KRTAP3-1: variants seen among roughly 807,000 people sequenced by gnomAD.
The protein encoded by KRTAP3-1 is keratin associated protein 3-1, also known as keratin-associated protein 3-1.
Under a neutral mutation model 2.8 loss-of-function variants are expected in KRTAP3-1, and 3 were observed. The ratio of observed to expected loss-of-function variants is 1.07; its 90% CI spans 0.49 to 2.78. KRTAP3-1 has a LOEUF of 2.78. Ranked by LOEUF, KRTAP3-1 falls within the 30% of genes most tolerant of loss-of-function variation. KRTAP3-1 has a pLI of 0.04. For missense variants in KRTAP3-1, 130 were observed against 127.6 expected (o/e 1.02, Z -0.09); for synonymous variants, 47 against 49.1 (o/e 0.96, Z 0.18).
rs1482882266 is a variant in KRTAP3-1 at position 41,008,834 on chromosome 17, T to C, written c.241A>G (p.Asn81Asp). Residue 81 changes from asparagine to aspartate, a missense_variant, in exon 1 of 1, where the codon AAC becomes GAC. Physicochemically the swap from Asn to Asp is conservative, Grantham distance 23. Coordinates refer to ENST00000391588, the MANE Select transcript of KRTAP3-1 (RefSeq NM_031958.2). The stretch of plus-strand genomic sequence containing the variant: ...CCAGGCTGAACATAGGTGGTCAGGT[T>C]GATCCCACTCAGTCCGGGAGTCGGG... Reference protein sequence around the residue: ...CHPTPGLSGINLTTYVQPGCE... With the variant: ...CHPTPGLSGIDLTTYVQPGCE... 19 of 1,613,998 alleles carry C rather than the reference T, an allele frequency of 1.2e-5. No homozygotes were observed. The highest frequency in any genetic ancestry group is 1.5e-5 in the Non-Finnish European group (18 of 1,180,020).
In KRTAP3-1 at chr17:41,008,693, A is replaced by T; in HGVS notation, c.*85T>A. On this transcript the variant is annotated 3_prime_UTR_variant, in exon 1 of 1. Transcript: ENST00000391588. ...GGGGATTGGGATGGCCTTAGCCTTGATGTAGGCAGTAGTGAGTGCTGAAGC... is the reference window on the plus strand; with the variant it reads ...GGGGATTGGGATGGCCTTAGCCTTGTTGTAGGCAGTAGTGAGTGCTGAAGC... The T allele has an allele frequency of 2.3e-6, 3 of 1,317,812 alleles. No individual in the cohort carries two copies. The highest frequency in any genetic ancestry group is 3.1e-6 in the Non-Finnish European group (3 of 965,408). 81.6% of individuals were successfully genotyped at this position (1,317,812 alleles called of 1,614,324 possible).
At position 41,008,996 on chromosome 17, in the gene KRTAP3-1, G is replaced by C; in HGVS notation, c.79C>G (p.Arg27Gly). The change falls in exon 1 of 1, where the codon CGC becomes GGC. Residue 27 changes from arginine (R) to glycine (G), a missense_variant. Physicochemically the swap from Arg to Gly is moderately radical, Grantham distance 125. Coordinates refer to ENST00000391588, the MANE Select transcript of KRTAP3-1 (RefSeq NM_031958.2). ...TTFCSFDKSCRCGVCLPSTCP... is the reference protein window; with the variant it reads ...TTFCSFDKSCGCGVCLPSTCP... ...GTGCTGGGTAGGCAGACTCCACAGC[G>C]GCAGCTTTTATCAAATGAGCAGAAG... 2 of 1,614,216 alleles carry C rather than the reference G, an allele frequency of 1.2e-6. No homozygotes were observed. The highest frequency in any genetic ancestry group is 2.7e-5 in the African/African-American group (2 of 75,056).
Position 41,009,104 on chromosome 17 carries a change from G to C in KRTAP3-1, c.-30C>G. ...ATGGGAGGTGGGTTTTTGTTGAGTT[G>C]AGAGAAGTCTGTTGGTGTCTCGATG... is the stretch of plus-strand genomic sequence containing the variant. On this transcript the variant is annotated 5_prime_UTR_variant, in exon 1 of 1. Transcript: ENST00000391588. The C allele has an allele frequency of 6.3e-7, 1 of 1,595,626 alleles. No individual in the cohort carries two copies. The highest frequency in any genetic ancestry group is 8.6e-7 in the Non-Finnish European group (1 of 1,169,494).
rs2011994208 is a variant in KRTAP3-1, at chr17:41,009,054, G to A, written c.21C>T (p.Arg7=). MYCCAL[R]SCSVPTGPAT... Reference sequence around the variant, plus strand: ...CAGGGCCGGTGGGGACGCTGCAGGAGCGGAGAGCACAGCAATACATGGCAA... The same window carrying A: ...CAGGGCCGGTGGGGACGCTGCAGGAACGGAGAGCACAGCAATACATGGCAA... Residue 7 remains arginine, a synonymous_variant, in exon 1 of 1, where the codon CGC becomes CGT. Transcript: ENST00000391588. The A allele has an allele frequency of 2.5e-6, 4 of 1,614,044 alleles. No individual in the cohort carries two copies. The highest frequency in any genetic ancestry group is 3.4e-6 in the Non-Finnish European group (4 of 1,179,936).
rs1357840534 is a variant in KRTAP3-1, at chr17:41,008,888, G to T, written c.187C>A (p.Pro63Thr). 6.2e-7 allele frequency: 1 copy of T among 1,614,214 alleles called. No individual in the cohort carries two copies. ...PPCCKPDTYV[P>T]TCWLLNNCHP... ...CAGTTGTTGAGCAGCCAGCAAGTTG[G>T]CACATAGGTATCAGGCTTGCAGCAG... The change falls in exon 1 of 1, where the codon CCA (proline) becomes ACA (threonine). Residue 63 changes from proline (P) to threonine (T), a missense_variant. Pro to Thr is a conservative substitution (Grantham distance 38). Transcript: ENST00000391588.
rs2011974777 is a variant in KRTAP3-1, at chr17:41,008,524, G to C, written c.*254C>G. ...AATAAATAATCACAAGGTCATATTT[G>C]CTAAGCCAGAATAAAGTTTATTAAC... is the stretch of plus-strand genomic sequence containing the variant. On this transcript the variant is annotated 3_prime_UTR_variant, in exon 1 of 1. Coordinates refer to ENST00000391588, the MANE Select transcript of KRTAP3-1 (RefSeq NM_031958.2). The C allele has an allele frequency of 2.1e-6, 1 of 476,560 alleles. No individual in the cohort carries two copies. Among genetic ancestry groups the C allele is most frequent in the Non-Finnish European group, 3.7e-6 (1 of 271,460 alleles). The allele number at this position is 476,560 out of a possible 1,614,324, so 29.5% of individuals were successfully genotyped here.
Position 41,009,120 on chromosome 17 carries a change from T to C in KRTAP3-1, c.-46A>G, listed in dbSNP as rs755163896. ...TGTTGAGTTGAGAGAAGTCTGTTGGTGTCTCGATGCTCCTCTCTTCTGCTC... is the reference window on the plus strand; with the variant it reads ...TGTTGAGTTGAGAGAAGTCTGTTGGCGTCTCGATGCTCCTCTCTTCTGCTC... On this transcript the variant is annotated 5_prime_UTR_variant, in exon 1 of 1. Transcript: ENST00000391588. The C allele has an allele frequency of 6.4e-7, 1 of 1,568,694 alleles. No individual in the cohort carries two copies. Among genetic ancestry groups the C allele is most frequent in the Admixed American group, 1.7e-5 (1 of 58,692 alleles).
chr17:41,008,708 A>T lies in KRTAP3-1; in HGVS notation c.*70T>A. ...CTTAGCCTTGATGTAGGCAGTAGTG[A>T]GTGCTGAAGCCCAGATGGTGCAGAG... On this transcript the variant is annotated 3_prime_UTR_variant, in exon 1 of 1. Transcript: ENST00000391588. The T allele has an allele frequency of 7.0e-7, 1 of 1,427,860 alleles. No homozygotes were observed. Among genetic ancestry groups the T allele is most frequent in the Non-Finnish European group, 9.5e-7 (1 of 1,051,984 alleles). 88.4% of individuals were successfully genotyped at this position (1,427,860 alleles called of 1,614,324 possible).
In KRTAP3-1 at chr17:41,008,857, G is replaced by A. The variant is rs370223389; in HGVS notation, c.218C>T (p.Pro73Leu). ...PTCWLLNNCHPTPGLSGINLT... is the reference protein window; with the variant it reads ...PTCWLLNNCHLTPGLSGINLT... The stretch of plus-strand genomic sequence containing the variant: ...GTTGATCCCACTCAGTCCGGGAGTC[G>A]GGTGACAGTTGTTGAGCAGCCAGCA... Residue 73 changes from proline (P) to leucine (L), a missense_variant, in exon 1 of 1, where the codon CCG becomes CTG. Coordinates refer to ENST00000391588, the MANE Select transcript of KRTAP3-1 (RefSeq NM_031958.2). 2.2e-5 allele frequency: 36 copies of A among 1,614,026 alleles called. No homozygotes were observed. Among genetic ancestry groups the A allele is most frequent in the Non-Finnish European group, 2.5e-5 (29 of 1,180,038 alleles).
In KRTAP3-1 at chr17:41,008,607, G is replaced by A. The variant is rs1597936680; in HGVS notation, c.*171C>T. 7.1e-6 allele frequency: 4 copies of A among 565,578 alleles called. No individual in the cohort carries two copies. The East Asian group carries it at 1.1e-4, about 16-fold the overall frequency. 35.0% of individuals were successfully genotyped at this position (565,578 alleles called of 1,614,324 possible). A position where few individuals can be genotyped will look rare whatever the true frequency, so the allele number is the denominator to read the frequency against. ...ATGAAATAGCCTAAAAGACAGAAGG[G>A]AGGTCTCCAATGGTACCCAAATGTG... On this transcript the variant is annotated 3_prime_UTR_variant, in exon 1 of 1. Coordinates refer to ENST00000391588, the MANE Select transcript of KRTAP3-1 (RefSeq NM_031958.2).
At position 41,008,726 on chromosome 17, in the gene KRTAP3-1, G is replaced by T; in HGVS notation, c.*52C>A. 2 of 1,528,530 alleles carry T rather than the reference G, an allele frequency of 1.3e-6. No individual in the cohort carries two copies. The highest frequency in any genetic ancestry group is 1.8e-6 in the Non-Finnish European group (2 of 1,126,342). 94.7% of individuals were successfully genotyped at this position (1,528,530 alleles called of 1,614,324 possible). On this transcript the variant is annotated 3_prime_UTR_variant, in exon 1 of 1. Coordinates refer to ENST00000391588, the MANE Select transcript of KRTAP3-1 (RefSeq NM_031958.2). ...AGTAGTGAGTGCTGAAGCCCAGATG[G>T]TGCAGAGGACATTGGGCAGCCACCT...
In KRTAP3-1 at chr17:41,009,065, A is replaced by G; in HGVS notation, c.10T>C (p.Cys4Arg). 1 of 1,613,604 alleles carries G rather than the reference A, an allele frequency of 6.2e-7. No individual in the cohort carries two copies. The highest frequency in any genetic ancestry group is 1.1e-5 in the South Asian group (1 of 90,998). ...GGGACGCTGCAGGAGCGGAGAGCAC[A>G]GCAATACATGGCAATGGGAGGTGGG... MYCCALRSCSVPTG... is the reference protein window; with the variant it reads MYCRALRSCSVPTG... The change falls in exon 1 of 1, where the codon TGT becomes CGT. Residue 4 changes from cysteine (C) to arginine (R), a missense_variant. Physicochemically the swap from Cys to Arg is radical, Grantham distance 180 (BLOSUM62 -3). Coordinates refer to ENST00000391588, the MANE Select transcript of KRTAP3-1 (RefSeq NM_031958.2).
chr17:41,008,786 G>C lies in KRTAP3-1; in HGVS notation c.289C>G (p.Arg97Gly). 4 of 1,605,604 alleles carry C rather than the reference G, an allele frequency of 2.5e-6. No homozygotes were observed. Among genetic ancestry groups the C allele is most frequent in the Non-Finnish European group, 1.7e-6 (2 of 1,174,898 alleles). Residue 97 changes from arginine to glycine, a missense_variant, in exon 1 of 1, where the codon CGC becomes GGC. Transcript: ENST00000391588. ...TGTGCAGACTCGGCTGGTTAACAGC[G>C]GGGCTCACAGGGACTCTCACAGCCA... ...QPGCESPCEP[R>G]C
At position 41,008,654 on chromosome 17, in the gene KRTAP3-1, C is replaced by T; in HGVS notation, c.*124G>A. On this transcript the variant is annotated 3_prime_UTR_variant, in exon 1 of 1. Transcript: ENST00000391588. ...TGTGCAAATAATTAAGAAGATTCATCAAGACTTGGCCCCGGGGATTGGGAT... is the reference window on the plus strand; with the variant it reads ...TGTGCAAATAATTAAGAAGATTCATTAAGACTTGGCCCCGGGGATTGGGAT... 2 of 908,646 alleles carry T rather than the reference C, an allele frequency of 2.2e-6. No individual in the cohort carries two copies. The highest frequency in any genetic ancestry group is 3.9e-5 in the South Asian group (2 of 51,150). 56.3% of individuals were successfully genotyped at this position (908,646 alleles called of 1,614,324 possible). A position where few individuals can be genotyped will look rare whatever the true frequency, so the allele number is the denominator to read the frequency against.
Position 41,008,731 on chromosome 17 carries a change from G to A in KRTAP3-1, c.*47C>T. 6.5e-7 allele frequency: 1 copy of A among 1,543,566 alleles called. No individual in the cohort carries two copies. Among genetic ancestry groups the A allele is most frequent in the Non-Finnish European group, 8.8e-7 (1 of 1,138,010 alleles). ...TGAGTGCTGAAGCCCAGATGGTGCA[G>A]AGGACATTGGGCAGCCACCTCACGG... is the stretch of plus-strand genomic sequence containing the variant. On this transcript the variant is annotated 3_prime_UTR_variant, in exon 1 of 1. Transcript: ENST00000391588.
rs376651114 is a variant in KRTAP3-1 at position 41,008,987 on chromosome 17, C to T, written c.88G>A (p.Val30Ile). ...CSFDKSCRCG[V>I]CLPSTCPHEI... Reference sequence around the variant, plus strand: ...TGTGGGCAGGTGCTGGGTAGGCAGACTCCACAGCGGCAGCTTTTATCAAAT... The same window carrying T: ...TGTGGGCAGGTGCTGGGTAGGCAGATTCCACAGCGGCAGCTTTTATCAAAT... The change falls in exon 1 of 1, where the codon GTC (valine) becomes ATC (isoleucine). Residue 30 changes from valine (V) to isoleucine (I), a missense_variant. Physicochemically the swap from Val to Ile is conservative, Grantham distance 29. Coordinates refer to ENST00000391588, the MANE Select transcript of KRTAP3-1 (RefSeq NM_031958.2). The T allele has an allele frequency of 2.2e-5, 36 of 1,614,118 alleles. 1 individual carries two copies. Among genetic ancestry groups the T allele is most frequent in the Non-Finnish European group, 3.1e-5 (36 of 1,180,056 alleles).
At position 41,009,007 on chromosome 17, in the gene KRTAP3-1, T is replaced by G; in HGVS notation, c.68A>C (p.Asp23Ala). 1 of 1,614,182 alleles carries G rather than the reference T, an allele frequency of 6.2e-7. No homozygotes were observed. The highest frequency in any genetic ancestry group is 8.5e-7 in the Non-Finnish European group (1 of 1,180,032). ...GCAGACTCCACAGCGGCAGCTTTTA[T>G]CAAATGAGCAGAAGGTGGTGGCAGG... ...TGPATTFCSF[D>A]KSCRCGVCLP... The change falls in exon 1 of 1, where the codon GAT becomes GCT. Residue 23 changes from aspartate to alanine, a missense_variant. Physicochemically the swap from Asp to Ala is moderately radical, Grantham distance 126. Coordinates refer to ENST00000391588, the MANE Select transcript of KRTAP3-1 (RefSeq NM_031958.2).
rs1220097189 is a variant in KRTAP3-1, at chr17:41,008,889, C to T, written c.186G>A (p.Val62=). The T allele has an allele frequency of 6.2e-7, 1 of 1,614,174 alleles. No homozygotes were observed. The highest frequency in any genetic ancestry group is 2.2e-5 in the East Asian group (1 of 44,880). ...PPPCCKPDTY[V]PTCWLLNNCH... ...AGTTGTTGAGCAGCCAGCAAGTTGG[C>T]ACATAGGTATCAGGCTTGCAGCAGG... The change falls in exon 1 of 1, where the codon GTG becomes GTA. Residue 62 remains valine, a synonymous_variant. Transcript: ENST00000391588.
At position 41,008,948 on chromosome 17, in the gene KRTAP3-1, G is replaced by GGA; in HGVS notation, c.125_126dup (p.Leu43SerfsTer36). The GGA allele has an allele frequency of 1.9e-6, 3 of 1,614,252 alleles. No homozygotes were observed. The highest frequency in any genetic ancestry group is 2.5e-6 in the Non-Finnish European group (3 of 1,180,052). The stretch of plus-strand genomic sequence containing the variant: ...CAGGTGTCACAGCAGATGGGCTGAA[G>GGA]GAGGCTGATCTCATGTGGGCAGGTG... On this transcript the variant is annotated frameshift_variant, in exon 1 of 1. Coordinates refer to ENST00000391588, the MANE Select transcript of KRTAP3-1 (RefSeq NM_031958.2). LOFTEE classifies it high-confidence loss of function.
Sources: gnomAD v4.1 joint callset for allele counts on GRCh38, gnomAD v4.1.1 for gene constraint, MANE v1.5 for transcripts, NCBI Gene and HGNC (gene_info 2026-07-23, HGNC 2026-07-21) for gene names.